Variants in RORA observed in about 807,000 individuals in gnomAD.
RORA encodes the protein nuclear receptor ROR-alpha.
Under a neutral mutation model 69.5 loss-of-function variants are expected in RORA, and 7 were observed. That is an observed-to-expected ratio of 0.10 (90% CI 0.06 to 0.19). The LOEUF is 0.19. Among genes scored for constraint, RORA ranks in the 10% least tolerant of loss-of-function variants. The pLI is 1.00. For missense variants in RORA, 457 were observed against 663.0 expected (o/e 0.69, Z 3.41); for synonymous variants, 261 against 240.8 (o/e 1.08, Z -0.78).
intron 1 of RORA, among the ~76,000 whole-genome samples, chr15:61,000,287 G>A (rs12908671): frequency 0.12 from 18,459 of 152,162 alleles, 1,178 homozygotes; most frequent in African/African-American, 0.14. Context: ...TCAGCTTAAC[G>A]TGTGGCTTAC....
At chr15:60,860,643 G>A (rs557076700) in intron 1 of RORA, among the ~76,000 whole-genome samples, 49 of 152,306 alleles carry the variant, frequency 3.2e-4, no homozygotes, top group African/African-American at 1.2e-3. Context: ...CAAAAATCCT[G>A]AGCCTTATTC....
At chr15:60,923,996 G>T (rs1315312558) in intron 1 of RORA, among the ~76,000 whole-genome samples, 1 of 152,204 alleles carries the variant, frequency 6.6e-6, no homozygotes, top group Non-Finnish European at 1.5e-5. Flanking sequence ...GGGGCAGTGT[G>T]TTTTAAGGGG....
At chr15:60,717,455 G>A (rs2071234912) in intron 1 of RORA, among the ~76,000 whole-genome samples, 1 of 152,194 alleles carries the variant, frequency 6.6e-6, no homozygotes, top group Admixed American at 6.5e-5. Flanking sequence ...CAGCAGGAAA[G>A]ACTTGAGGGC....
At chr15:60,723,386 C>CA (rs1349207050) in intron 1 of RORA, among the ~76,000 whole-genome samples, 18 of 150,502 alleles carry the variant, frequency 1.2e-4, no homozygotes, top group Non-Finnish European at 1.2e-4. Flanking sequence ...TTCCCCCCCC[C>CA]ACTCACATAA....
At chr15:61,154,180 CCAA>C (rs2079422559) in intron 1 of RORA, among the ~76,000 whole-genome samples, 1 of 152,140 alleles carries the variant, frequency 6.6e-6, no homozygotes, top group South Asian at 2.1e-4. Flanking sequence ...TTCCTCCCCA[CCAA>C]CAACATTACT....
At chr15:61,222,812 G>C (rs1813765314) in intron 1 of RORA, among the ~76,000 whole-genome samples, 2 of 152,128 alleles carry the variant, frequency 1.3e-5, no homozygotes, top group African/African-American at 4.8e-5. Flanking sequence ...GTTCTTTGTT[G>C]ACATTCTTGG....
intron 1 of RORA, among the ~76,000 whole-genome samples, chr15:60,988,161 G>A (rs1458256397): frequency 1.3e-5 from 2 of 152,184 alleles, no homozygotes; most frequent in Non-Finnish European, 2.9e-5. Flanking sequence ...CAACTAAGTG[G>A]TAAGAGTGAA....
chr15:61,116,087 C>A (rs2079048197), intron 1 of RORA, among the ~76,000 whole-genome samples: 1 of 150,994 alleles, frequency 6.6e-6, no homozygotes, highest in Non-Finnish European at 1.5e-5. Context: ...AACAAACAAA[C>A]AAAAAACACC....
intron 1 of RORA, among the ~76,000 whole-genome samples, chr15:61,224,324 T>C (rs990137134): frequency 2.0e-5 from 3 of 152,236 alleles, no homozygotes; most frequent in Non-Finnish European, 4.4e-5. Context: ...GTGCGTTTCC[T>C]ATAAATTTTT....
At chr15:60,569,098 G>T (rs1050175199) in intron 2 of RORA, among the ~76,000 whole-genome samples, 2 of 151,820 alleles carry the variant, frequency 1.3e-5, no homozygotes, top group South Asian at 2.1e-4. Flanking sequence ...GTGGTAAGAG[G>T]TATTATATAT....
At chr15:60,656,735 G>A (rs2070227286) in intron 2 of RORA, among the ~76,000 whole-genome samples, 1 of 152,158 alleles carries the variant, frequency 6.6e-6, no homozygotes, top group Admixed American at 6.5e-5. Context: ...CTCCCCGTCT[G>A]TCCAGGCAAG....
At chr15:61,079,293 A>G (rs978991122) in intron 1 of RORA, among the ~76,000 whole-genome samples, 1 of 152,264 alleles carries the variant, frequency 6.6e-6, no homozygotes, top group African/African-American at 2.4e-5. Context: ...ATGGAAATGT[A>G]TAACAGTGAT....
intron 2 of RORA, among the ~76,000 whole-genome samples, chr15:60,586,884 G>A (rs570682884): frequency 1.3e-5 from 2 of 152,076 alleles, no homozygotes; most frequent in Non-Finnish European, 2.9e-5. Context: ...AGATTTTTCA[G>A]ATCTACTTGA....
chr15:61,159,879 G>A (rs1416797037), intron 1 of RORA, among the ~76,000 whole-genome samples: 1 of 152,144 alleles, frequency 6.6e-6, no homozygotes, highest in Non-Finnish European at 1.5e-5. Flanking sequence ...TGTGTACTGA[G>A]AATTTTCATT....
intron 2 of RORA, among the ~76,000 whole-genome samples, chr15:60,592,109 TGCC>T (rs1274005441): frequency 6.6e-6 from 1 of 151,294 alleles, no homozygotes; most frequent in Non-Finnish European, 1.5e-5. Context: ...ACCCGCCCGG[TGCC>T]AAGCGGACCC....
chr15:61,178,918 C>T (rs991993901), intron 1 of RORA, among the ~76,000 whole-genome samples: 3 of 152,190 alleles, frequency 2.0e-5, no homozygotes, highest in South Asian at 4.1e-4. Context: ...CTATATCTAA[C>T]CCATTATTTA....
chr15:60,653,307 G>A (rs897912019), intron 2 of RORA, among the ~76,000 whole-genome samples: 12 of 151,948 alleles, frequency 7.9e-5, no homozygotes, highest in Middle Eastern at 3.4e-3. Flanking sequence ...GCGTGTGTGT[G>A]TGTGTGTGTG....
At chr15:61,011,355 G>A (rs1188571461) in intron 1 of RORA, among the ~76,000 whole-genome samples, 2 of 152,182 alleles carry the variant, frequency 1.3e-5, no homozygotes, top group Non-Finnish European at 2.9e-5. Context: ...GGATAGAAAT[G>A]TGGGAAGGAA....
chr15:60,669,617 T>G (rs898429270), intron 2 of RORA, among the ~76,000 whole-genome samples: 30 of 152,128 alleles, frequency 2.0e-4, no homozygotes, highest in African/African-American at 7.2e-4. Context: ...GTCTCCCTTT[T>G]CCTTGTTAAT....
Sources: allele counts gnomAD v4.1 joint callset (sites outside exome capture counted in the v4.1 genomes callset), GRCh38; gene constraint gnomAD v4.1.1; transcripts MANE v1.5; gene names NCBI Gene and HGNC (gene_info 2026-07-23, HGNC 2026-07-21).